PPP1CB: variants seen among roughly 807,000 people sequenced by gnomAD.
The protein encoded by PPP1CB is serine/threonine-protein phosphatase PP1-beta catalytic subunit.
In PPP1CB, 2 loss-of-function variants were observed where a neutral mutation model predicts 43.7. The observed-to-expected ratio is 0.05, with a 90% CI of 0.02 to 0.14. PPP1CB has a LOEUF of 0.14. Ranked by LOEUF, PPP1CB falls within the 10% of genes least tolerant of loss-of-function variation. The probability of loss-of-function intolerance (pLI) is 1.00; values close to 1 mark genes in which losing one functional copy is unlikely to be tolerated. For synonymous variants in PPP1CB, 136 were observed against 135.6 expected (o/e 1.00, Z -0.02); for missense variants, 84 against 398.0 (o/e 0.21, Z 6.71).
intron 1 of PPP1CB, 107 bp downstream of exon 1, chr2:28,752,283 A>G: frequency 9.1e-7 from 1 of 1,096,284 alleles, no homozygotes; most frequent in Non-Finnish European, 1.3e-6. Flanking sequence ...CCGCCCCGAG[A>G]CGAGTCTCTG....
chr2:28,767,409 A>G (rs1019693948), intron 1 of PPP1CB, among the ~76,000 whole-genome samples: 7 of 152,152 alleles, frequency 4.6e-5, no homozygotes, highest in African/African-American at 1.7e-4. Context: ...TTAGCACCCA[A>G]TTAAATAACA....
At chr2:28,757,504 A>G (rs1396853650) in intron 1 of PPP1CB, among the ~76,000 whole-genome samples, 1 of 152,220 alleles carries the variant, frequency 6.6e-6, no homozygotes, top group Non-Finnish European at 1.5e-5. Flanking sequence ...CTGACCCAGC[A>G]ACCTAAAGGT....
Position 28,763,741 on chromosome 2 carries a change from G to A in PPP1CB, c.52+11565G>A, listed in dbSNP as rs184651030. 1.9e-3 allele frequency among the ~76,000 whole-genome samples: 289 copies of A among 152,294 alleles called. 1 individual carries two copies. The highest frequency in any genetic ancestry group is 3.3e-3 in the Non-Finnish European group (223 of 68,022). On this transcript the variant is annotated intron_variant, in intron 1 of 7. Transcript: ENST00000395366. ...TTGTTTTGAGACGGAGTCTCACTTT[G>A]TCACCCAGGCTGGAGTGCAGTGGCA...
intron 1 of PPP1CB, among the ~76,000 whole-genome samples, chr2:28,755,905 T>A (rs984061208): frequency 3.3e-5 from 5 of 152,360 alleles, no homozygotes; most frequent in South Asian, 2.1e-4. Context: ...ATGAAACTGT[T>A]TAGAATTTGC....
chr2:28,753,298 T>C (rs1202064073), intron 1 of PPP1CB, among the ~76,000 whole-genome samples: 1 of 152,234 alleles, frequency 6.6e-6, no homozygotes, highest in Non-Finnish European at 1.5e-5. Flanking sequence ...TGAAGCAGTA[T>C]GTACTTATAT....
intron 5 of PPP1CB, 72 bp from the exon 6 acceptor site, chr2:28,788,586 T>G (rs1294412734): frequency 2.7e-6 from 4 of 1,484,768 alleles, no homozygotes; most frequent in Non-Finnish European, 3.7e-6. Context: ...GAACTGAAAT[T>G]TGATGTAGAT....
rs1667644394 is a variant in PPP1CB at position 28,802,565 on chromosome 2, T to C, written c.*3262T>C. ...AAAACAGCTGAAAATTGGGACAACA[T>C]ACTTTACGCAATGAACAGTAGTTAA... On this transcript the variant is annotated 3_prime_UTR_variant, in exon 8 of 8. Coordinates refer to ENST00000395366, the MANE Select transcript of PPP1CB (RefSeq NM_002709.3). 6.6e-6 allele frequency: 1 copy of C among 152,222 alleles called. No individual in the cohort carries two copies. The highest frequency in any genetic ancestry group is 1.5e-5 in the Non-Finnish European group (1 of 68,040). The allele number at this position is 152,222 out of a possible 1,614,324, so 9.4% of individuals were successfully genotyped here. A position where few individuals can be genotyped will look rare whatever the true frequency, so the allele number is the denominator to read the frequency against.
chr2:28,787,467 ATATATG>A lies in PPP1CB; in HGVS notation c.593-1187_593-1182del, dbSNP rs537798436. Among the ~76,000 whole-genome samples the A allele has an allele frequency of 3.1e-4, 47 of 152,178 alleles. 1 individual carries two copies. Among genetic ancestry groups the A allele is most frequent in the Admixed American group, 1.1e-3 (17 of 15,282 alleles). Reference sequence around the variant, plus strand: ...GAGCGAGACTCCGTCTCAAAAAAATATATATGTATCTTCTCTTAGCCACTGCAATTC... The same window carrying A: ...GAGCGAGACTCCGTCTCAAAAAAATATATCTTCTCTTAGCCACTGCAATTC... On this transcript the variant is annotated intron_variant, in intron 5 of 7. Transcript: ENST00000395366.
At chr2:28,788,507 A>G in intron 5 of PPP1CB, 151 bp from the exon 6 acceptor site, 1 of 801,614 alleles carries the variant, frequency 1.2e-6, no homozygotes. Flanking sequence ...CAAAAGTATA[A>G]GTTACATAGG....
intron 7 of PPP1CB, among the ~76,000 whole-genome samples, chr2:28,794,670 G>A (rs552809718): frequency 3.3e-5 from 5 of 151,998 alleles, no homozygotes; most frequent in East Asian, 3.9e-4. Flanking sequence ...TAGCCTGGGC[G>A]ACAGAGCGAG....
chr2:28,799,491 G>T lies in PPP1CB; in HGVS notation c.*188G>T, dbSNP rs1472978169. Reference sequence around the variant, plus strand: ...GATGTGCTACACTGTATTGTAATAAGTATACTCTGTTATAGTCAACAAAGT... The same window carrying T: ...GATGTGCTACACTGTATTGTAATAATTATACTCTGTTATAGTCAACAAAGT... On this transcript the variant is annotated 3_prime_UTR_variant, in exon 8 of 8. Coordinates refer to ENST00000395366, the MANE Select transcript of PPP1CB (RefSeq NM_002709.3). The T allele has an allele frequency of 6.6e-6, 3 of 452,640 alleles. No homozygotes were observed. The highest frequency in any genetic ancestry group is 1.2e-5 in the Non-Finnish European group (3 of 252,802). 28.0% of individuals were successfully genotyped at this position (452,640 alleles called of 1,614,324 possible).
intron 6 of PPP1CB, among the ~76,000 whole-genome samples, chr2:28,789,336 A>G (rs1189389544): frequency 6.6e-6 from 1 of 151,798 alleles, no homozygotes; most frequent in Non-Finnish European, 1.5e-5. Context: ...ATGAGATTCC[A>G]TCTCTACAAA....
intron 1 of PPP1CB, among the ~76,000 whole-genome samples, chr2:28,769,153 C>G (rs1015439255): frequency 5.9e-5 from 9 of 152,122 alleles, no homozygotes; most frequent in African/African-American, 2.2e-4. Flanking sequence ...GATGGCTGAT[C>G]TATCACCTGA....
At position 28,801,828 on chromosome 2, in the gene PPP1CB, G is replaced by A. The variant is rs183365637; in HGVS notation, c.*2525G>A. 2 of 152,110 alleles carry A rather than the reference G, an allele frequency of 1.3e-5. No individual in the cohort carries two copies. The highest frequency in any genetic ancestry group is 3.9e-4 in the East Asian group (2 of 5,172). The allele number at this position is 152,110 out of a possible 1,614,324, so 9.4% of individuals were successfully genotyped here. ...CACATGGATTATAAAGCAAAGTTAT[G>A]GTCGATTTCTATTCTTGAAAGAATC... On this transcript the variant is annotated 3_prime_UTR_variant, in exon 8 of 8. Transcript: ENST00000395366.
At chr2:28,788,520 G>A (rs2148056745) in intron 5 of PPP1CB, 138 bp from the exon 6 acceptor site, 1 of 896,986 alleles carries the variant, frequency 1.1e-6, no homozygotes, top group Non-Finnish European at 1.7e-6. Flanking sequence ...TACATAGGCT[G>A]GAATACTTAG....
chr2:28,762,389 C>T (rs1473642992), intron 1 of PPP1CB, among the ~76,000 whole-genome samples: 1 of 152,152 alleles, frequency 6.6e-6, no homozygotes, highest in Non-Finnish European at 1.5e-5. Flanking sequence ...GTGAGAAGTG[C>T]CATCATTTTA....
intron 5 of PPP1CB, among the ~76,000 whole-genome samples, chr2:28,784,332 C>T (rs1667215425): frequency 6.6e-6 from 1 of 152,150 alleles, no homozygotes; most frequent in African/African-American, 2.4e-5. Flanking sequence ...TTAAAATAAT[C>T]TATTCTTTGC....
At chr2:28,798,800 T>C (rs1219648048) in intron 7 of PPP1CB, among the ~76,000 whole-genome samples, 3 of 152,060 alleles carry the variant, frequency 2.0e-5, no homozygotes, top group Non-Finnish European at 4.4e-5. Flanking sequence ...AAAAGATCTA[T>C]TTATACATAA....
intron 5 of PPP1CB, 41 bp from the exon 6 acceptor site, chr2:28,788,617 G>A: frequency 1.3e-6 from 2 of 1,588,544 alleles, no homozygotes; most frequent in East Asian, 2.2e-5. Flanking sequence ...CTATAAATCT[G>A]TAAATTTTGT....
Sources: allele counts gnomAD v4.1 joint callset (sites outside exome capture counted in the v4.1 genomes callset), GRCh38; gene constraint gnomAD v4.1.1; transcripts MANE v1.5; gene names NCBI Gene and HGNC (gene_info 2026-07-23, HGNC 2026-07-21).